UTY: variants seen among roughly 807,000 people sequenced by gnomAD.
The protein encoded by UTY is ubiquitously transcribed tetratricopeptide repeat containing, Y-linked, also known as histone demethylase UTY.
In UTY, 12 loss-of-function variants were observed where a neutral mutation model predicts 32.5. That is an observed-to-expected ratio of 0.37 (90% CI 0.24 to 0.60). The LOEUF (loss-of-function observed/expected upper bound fraction) is 0.60, where lower values mean the gene tolerates loss of function less well. Ranked by LOEUF, UTY falls within the 20% of genes least tolerant of loss-of-function variation. The pLI is 0.69. For synonymous variants in UTY, 131 were observed against 103.4 expected (o/e 1.27, Z -1.62); for missense variants, 303 against 299.2 (o/e 1.01, Z -0.09).
At chrY:13,416,787 C>T (rs2071726127) in intron 4 of UTY, among the ~76,000 whole-genome samples, 1 of 33,720 alleles carries the variant, frequency 3.0e-5, no homozygotes, top group Non-Finnish European at 7.4e-5. Context: ...TTAATGAAGT[C>T]ACATTTGGAG....
chrY:13,349,227 T>G, intron 17 of UTY, among the ~76,000 whole-genome samples: 1 of 32,744 alleles, frequency 3.1e-5, no homozygotes, highest in Non-Finnish European at 7.4e-5. Context: ...AATTACTGTA[T>G]TATTTGGCCA....
chrY:13,274,782 CAAAAAAA>C (rs2056563713), intron 27 of UTY, among the ~76,000 whole-genome samples: 1 of 26,341 alleles, frequency 3.8e-5, no homozygotes, highest in Non-Finnish European at 8.8e-5. Context: ...AACTCTGTCT[CAAAAAAA>C]TAAATAAATA....
chrY:13,436,498 A>T, intron 4 of UTY, among the ~76,000 whole-genome samples: 1 of 32,781 alleles, frequency 3.1e-5, no homozygotes, highest in Non-Finnish European at 7.5e-5. Flanking sequence ...CGAGGGAGAC[A>T]GTCTAATCGG....
chrY:13,289,557 T>C, intron 27 of UTY, among the ~76,000 whole-genome samples: 1 of 33,949 alleles, frequency 2.9e-5, no homozygotes. Flanking sequence ...AACCCTTTCA[T>C]GTGAAATCCT....
rs775891025 is a variant in UTY, at chrY:13,479,316, G to A, written c.154C>T (p.Arg52Cys). 5 of 397,987 alleles carry A rather than the reference G, an allele frequency of 1.3e-5. No homozygotes were observed. The Admixed American group carries it at 3.0e-4, about 24-fold the overall frequency. ...EREALGGMDS[R>C]LFGFVRLHED... The stretch of plus-strand genomic sequence containing the variant: ...TGAAGCCTCACGAACCCGAAGAGAC[G>A]GCTGTAGAGAGAGAGACACAGAGCT... The change falls in exon 2 of 30, where the codon CGT becomes TGT. Residue 52 changes from arginine to cysteine, a missense_variant and splice_region_variant. Physicochemically the swap from Arg to Cys is radical, Grantham distance 180. Coordinates refer to ENST00000545955, the MANE Select transcript of UTY (RefSeq NM_001258249.2).
chrY:13,358,133 T>TA (rs2063150976), intron 14 of UTY, among the ~76,000 whole-genome samples, 164 bp from the exon 15 acceptor site: 1 of 33,674 alleles, frequency 3.0e-5, no homozygotes, highest in African/African-American at 1.2e-4. Context: ...TTCATAAACT[T>TA]ACACATTTAG....
intron 27 of UTY, among the ~76,000 whole-genome samples, chrY:13,293,507 C>T (rs760494990): frequency 6.1e-5 from 2 of 32,754 alleles, no homozygotes; most frequent in African/African-American, 2.4e-4. Flanking sequence ...TTAGTAGAGA[C>T]GGGGTTTAAC....
chrY:13,412,444 T>C, intron 5 of UTY, among the ~76,000 whole-genome samples: 2 of 33,234 alleles, frequency 6.0e-5, no homozygotes, highest in African/African-American at 2.4e-4. Flanking sequence ...GGTAGGGGGT[T>C]TGGGGAATTA....
At chrY:13,278,591 T>C (rs1603294719) in intron 27 of UTY, among the ~76,000 whole-genome samples, 2 of 33,505 alleles carry the variant, frequency 6.0e-5, no homozygotes, top group East Asian at 1.6e-3. Context: ...TTCCGTGAAC[T>C]TCGGTGGAGC....
intron 27 of UTY, among the ~76,000 whole-genome samples, chrY:13,260,637 C>T (rs776501852): frequency 3.0e-5 from 1 of 33,501 alleles, no homozygotes; most frequent in South Asian, 6.4e-4. Flanking sequence ...CTACAATAAA[C>T]TCATCCCTAA....
intron 3 of UTY, among the ~76,000 whole-genome samples, chrY:13,461,888 C>G: frequency 3.0e-5 from 1 of 33,265 alleles, no homozygotes; most frequent in Admixed American, 2.7e-4. Flanking sequence ...CCTAACTTGG[C>G]CTCCCGAAGT....
Position 13,251,063 on chromosome Y carries a change from T to C in UTY, c.4262A>G (p.Gln1421Arg), listed in dbSNP as rs1179574689. 7.5e-6 allele frequency: 3 copies of C among 398,775 alleles called. No individual in the cohort carries two copies. In the South Asian group the frequency reaches 8.9e-5, roughly 12 times the overall value. The change falls in exon 29 of 30, where the codon CAG (glutamine) becomes CGG (arginine). Residue 1421 changes from glutamine to arginine, a missense_variant. Gln to Arg is a conservative substitution (Grantham distance 43). Transcript: ENST00000545955. ...KSLENFVVLE[Q>R]YKMEDLIQVY... ...TTGGATTAGGTCCTCCATTTTGTAC[T>C]GTTCGAGCACCACAAAATTTTCCAA...
intron 17 of UTY, among the ~76,000 whole-genome samples, chrY:13,348,779 T>C (rs2062136427): frequency 2.9e-5 from 1 of 33,905 alleles, no homozygotes; most frequent in Non-Finnish European, 7.3e-5. Context: ...AAACTGTCTA[T>C]AATATGTTAA....
chrY:13,343,124 G>T (rs2061614729), intron 17 of UTY, among the ~76,000 whole-genome samples: 2 of 33,048 alleles, frequency 6.1e-5, no homozygotes, highest in African/African-American at 2.4e-4. Flanking sequence ...TGAAAGAAAA[G>T]GAATATCTAT....
intron 15 of UTY, among the ~76,000 whole-genome samples, chrY:13,356,432 G>A: frequency 3.3e-5 from 1 of 30,670 alleles, no homozygotes; most frequent in South Asian, 8.0e-4. Flanking sequence ...TGGGATTACA[G>A]GTGTGAGCCA....
At chrY:13,397,375 A>G in intron 6 of UTY, among the ~76,000 whole-genome samples, 2 of 33,664 alleles carry the variant, frequency 5.9e-5, no homozygotes, top group African/African-American at 1.1e-4. Flanking sequence ...TTAGAAAGTA[A>G]CTTAGATAAT....
At chrY:13,408,309 A>C in intron 6 of UTY, among the ~76,000 whole-genome samples, 1 of 32,618 alleles carries the variant, frequency 3.1e-5, no homozygotes, top group South Asian at 6.9e-4. Context: ...AGTCATTTTA[A>C]TTACACCTGG....
At chrY:13,461,026 G>A in intron 3 of UTY, among the ~76,000 whole-genome samples, 1 of 32,462 alleles carries the variant, frequency 3.1e-5, no homozygotes, top group African/African-American at 1.2e-4. Context: ...AAAAGGTCCT[G>A]ACTACTGTAT....
At position 13,326,212 on chromosome Y, in the gene UTY, C is replaced by T. The variant is rs1450379858; in HGVS notation, c.2964+9G>A. The T allele has an allele frequency of 1.0e-5, 4 of 395,625 alleles. No individual in the cohort carries two copies. Among genetic ancestry groups the T allele is most frequent in the African/African-American group, 6.2e-5 (1 of 16,095 alleles). On this transcript the variant is annotated intron_variant, in intron 19 of 29. Transcript: ENST00000545955. ...CGATTTATTTATAAGTTACTCAATG[C>T]GGACTCACGTAAATACTAGGTGTGG...
Sources: gnomAD v4.1 joint callset for allele counts (sites outside exome capture counted in the v4.1 genomes callset) on GRCh38, gnomAD v4.1.1 for gene constraint, MANE v1.5 for transcripts, NCBI Gene and HGNC (gene_info 2026-07-23, HGNC 2026-07-21) for gene names.